Variants in AOPEP observed in about 807,000 individuals in gnomAD.
AOPEP encodes aminopeptidase O (putative).
Under a neutral mutation model 98.1 loss-of-function variants are expected in AOPEP, and 77 were observed. The observed-to-expected ratio is 0.78, with a 90% confidence interval of 0.65 to 0.95. The LOEUF (loss-of-function observed/expected upper bound fraction) is 0.95, where lower values mean the gene tolerates loss of function less well. AOPEP is among the 40% of genes least tolerant of loss of function. The probability of loss-of-function intolerance (pLI) is 0.00; values close to 1 mark genes in which losing one functional copy is unlikely to be tolerated. For synonymous variants in AOPEP, 346 were observed against 365.3 expected (o/e 0.95, Z 0.60); for missense variants, 1,024 against 1,024.7 (o/e 1.00, Z 0.01).
the AOPEP span, among the ~76,000 whole-genome samples, chr9:95,119,365 CT>C: frequency 0.91 from 128,169 of 141,310 alleles, 58,082 homozygotes; most frequent in Middle Eastern, 0.97. Context: ...TCTTCCTTTT[CT>C]TTTTTTTTTT....
chr9:94,732,259 TTACC>T (rs963606901), intron 1 of AOPEP, among the ~76,000 whole-genome samples: 7 of 151,730 alleles, frequency 4.6e-5, no homozygotes, highest in African/African-American at 1.7e-4. Context: ...TTTTTTTTTT[TTACC>T]TTATCTTTAT....
At chr9:95,095,985 G>A in the AOPEP span, among the ~76,000 whole-genome samples, 3 of 152,118 alleles carry the variant, frequency 2.0e-5, no homozygotes, top group African/African-American at 4.8e-5. Flanking sequence ...TTTTATAAGC[G>A]AAATCCTTAT....
chr9:95,075,124 C>T (rs539097302), intron 14 of AOPEP, among the ~76,000 whole-genome samples: 79 of 152,320 alleles, frequency 5.2e-4, no homozygotes, highest in African/African-American at 1.8e-3. Flanking sequence ...CCCCTTTGGT[C>T]ATGGTCTGCG....
chr9:94,947,196 T>A (rs975743456), intron 7 of AOPEP, among the ~76,000 whole-genome samples: 1 of 151,774 alleles, frequency 6.6e-6, no homozygotes, highest in Non-Finnish European at 1.5e-5. Context: ...TTAGCCAGGA[T>A]GGTCTCAATC....
At chr9:95,116,539 T>C in the AOPEP span, among the ~76,000 whole-genome samples, 4 of 152,200 alleles carry the variant, frequency 2.6e-5, no homozygotes, top group Non-Finnish European at 4.4e-5. Context: ...AAAAAGGAAA[T>C]GTGACTGGCT....
the AOPEP span, among the ~76,000 whole-genome samples, chr9:95,117,017 G>C: frequency 6.6e-6 from 1 of 152,340 alleles, no homozygotes; most frequent in South Asian, 2.1e-4. Flanking sequence ...GGCATCTGGT[G>C]GATCTGGTTG....
chr9:95,135,469 G>T, the AOPEP span: 2 of 1,614,050 alleles, frequency 1.2e-6, no homozygotes, highest in South Asian at 2.2e-5. Context: ...GCCAGAGGCA[G>T]ACTACAGCTG....
At chr9:94,975,945 A>G (rs920314015) in intron 10 of AOPEP, among the ~76,000 whole-genome samples, 3 of 152,164 alleles carry the variant, frequency 2.0e-5, no homozygotes, top group African/African-American at 2.4e-5. Flanking sequence ...TGCTCCTGCT[A>G]TCTTTGCCCC....
chr9:95,096,957 C>T, the AOPEP span, among the ~76,000 whole-genome samples: 11 of 152,148 alleles, frequency 7.2e-5, no homozygotes, highest in African/African-American at 1.4e-4. Flanking sequence ...GCAGTACCCT[C>T]GGTTGGAAGG....
At chr9:95,126,210 C>T in the AOPEP span, among the ~76,000 whole-genome samples, 6 of 152,190 alleles carry the variant, frequency 3.9e-5, no homozygotes, top group East Asian at 5.8e-4. Context: ...ATATTGCTAC[C>T]CTTTATTCTG....
chr9:94,917,648 T>A (rs896817620), intron 5 of AOPEP, among the ~76,000 whole-genome samples: 19 of 152,188 alleles, frequency 1.2e-4, no homozygotes, highest in African/African-American at 4.6e-4. Context: ...TTCCCTGACG[T>A]AGCTGCCCAC....
At chr9:94,767,313 C>T (rs1839851719) in intron 2 of AOPEP, among the ~76,000 whole-genome samples, 1 of 152,172 alleles carries the variant, frequency 6.6e-6, no homozygotes, top group African/African-American at 2.4e-5. Context: ...GTCTATTTCC[C>T]AGAATCCCAG....
chr9:94,748,537 G>A (rs1339586366), intron 1 of AOPEP, among the ~76,000 whole-genome samples: 1 of 152,068 alleles, frequency 6.6e-6, no homozygotes, highest in Non-Finnish European at 1.5e-5. Flanking sequence ...TATAATCATG[G>A]TATATTTATT....
chr9:95,149,933 C>T, the AOPEP span: 1 of 1,603,402 alleles, frequency 6.2e-7, no homozygotes, highest in South Asian at 1.1e-5. Context: ...AGCAAAATGG[C>T]CTCGTTTACA....
chr9:94,970,413 A>AC (rs147065150), intron 10 of AOPEP, among the ~76,000 whole-genome samples: 11,788 of 152,136 alleles, frequency 0.077, 1,148 homozygotes, highest in African/African-American at 0.23. Flanking sequence ...TACTTCACTA[A>AC]TGTGTTTTTA....
intron 4 of AOPEP, among the ~76,000 whole-genome samples, chr9:94,793,384 A>G (rs543002841): frequency 5.4e-5 from 8 of 148,894 alleles, no homozygotes; most frequent in Non-Finnish European, 7.4e-5. Flanking sequence ...AAAACAAAGA[A>G]GAAAGGAAAG....
At chr9:94,951,426 C>T (rs1705547807) in intron 7 of AOPEP, among the ~76,000 whole-genome samples, 1 of 152,216 alleles carries the variant, frequency 6.6e-6, no homozygotes, top group Non-Finnish European at 1.5e-5. Context: ...GACTCTGCCA[C>T]TAACCAGTTT....
At chr9:94,839,930 C>G (rs1049290630) in intron 5 of AOPEP, among the ~76,000 whole-genome samples, 1 of 152,116 alleles carries the variant, frequency 6.6e-6, no homozygotes, top group African/African-American at 2.4e-5. Context: ...CCACACCTGG[C>G]TAACATTTTA....
At chr9:94,965,370 G>T (rs1393441538) in intron 9 of AOPEP, among the ~76,000 whole-genome samples, 1 of 152,212 alleles carries the variant, frequency 6.6e-6, no homozygotes, top group Non-Finnish European at 1.5e-5. Context: ...GACATTACAA[G>T]AAATAAATAT....
Sources: allele counts gnomAD v4.1 joint callset (sites outside exome capture counted in the v4.1 genomes callset), GRCh38; gene constraint gnomAD v4.1.1; transcripts MANE v1.5; gene names NCBI Gene and HGNC (gene_info 2026-07-23, HGNC 2026-07-21).